C1orf21: variants seen among roughly 807,000 people sequenced by gnomAD.
The protein encoded by C1orf21 is chromosome 1 open reading frame 21.
Under a neutral mutation model 18.7 loss-of-function variants are expected in C1orf21, and 3 were observed. The observed-to-expected ratio is 0.16, with a 90% CI of 0.07 to 0.42. The LOEUF is 0.42. C1orf21 is among the 10% of genes least tolerant of loss of function. C1orf21 has a pLI of 0.99. For missense variants in C1orf21, 104 were observed against 143.6 expected (o/e 0.72, Z 1.41); for synonymous variants, 41 against 46.4 (o/e 0.88, Z 0.47).
intron 3 of C1orf21, among the ~76,000 whole-genome samples, chr1:184,508,959 G>T (rs995592663): frequency 1.3e-5 from 2 of 152,086 alleles, no homozygotes; most frequent in African/African-American, 4.8e-5. Flanking sequence ...CCTGAGTATT[G>T]AAATATCAGT....
intron 2 of C1orf21, 112 bp from the exon 3 acceptor site, chr1:184,507,476 A>G (rs1404506071): frequency 1.3e-5 from 11 of 827,450 alleles, no homozygotes; most frequent in Middle Eastern, 2.9e-4. Flanking sequence ...ACCACATATG[A>G]AGGCCACAGG....
At chr1:184,579,494 C>CTTTTT (rs60469440) in intron 3 of C1orf21, among the ~76,000 whole-genome samples, 1 of 98,120 alleles carries the variant, frequency 1.0e-5, no homozygotes, top group African/African-American at 3.9e-5. Context: ...TCAAGATTTT[C>CTTTTT]TTTTTTTTTT....
In C1orf21 at chr1:184,477,381, T is replaced by C. The variant is rs1657585975; in HGVS notation, c.-124-5T>C. 6.0e-6 allele frequency: 4 copies of C among 669,732 alleles called. No homozygotes were observed. Among genetic ancestry groups the C allele is most frequent in the Non-Finnish European group, 1.0e-5 (4 of 392,000 alleles). The allele number at this position is 669,732 out of a possible 1,614,324, so 41.5% of individuals were successfully genotyped here. ...CCATTCTAATCTAGCTTTCTTTTCT[T>C]GCAGGTGCACACATCTTGACCAACT... On this transcript the variant is annotated splice_region_variant and splice_polypyrimidine_tract_variant and intron_variant, in intron 1 of 5. Transcript: ENST00000235307.
intron 1 of C1orf21, among the ~76,000 whole-genome samples, chr1:184,462,726 T>C (rs1482973796): frequency 6.6e-6 from 1 of 152,030 alleles, no homozygotes; most frequent in Non-Finnish European, 1.5e-5. Context: ...TGTAAGAAAA[T>C]GTTATTACAA....
chr1:184,412,821 A>C (rs531637155), intron 1 of C1orf21, among the ~76,000 whole-genome samples: 1 of 152,198 alleles, frequency 6.6e-6, no homozygotes, highest in Non-Finnish European at 1.5e-5. Context: ...AACAAAAACA[A>C]AAAATTCAGT....
chr1:184,447,935 C>T (rs559167543), intron 1 of C1orf21, among the ~76,000 whole-genome samples: 2 of 152,274 alleles, frequency 1.3e-5, no homozygotes, highest in African/African-American at 2.4e-5. Flanking sequence ...TCCTGACCTC[C>T]GTCCTCAGAC....
intron 1 of C1orf21, among the ~76,000 whole-genome samples, chr1:184,443,487 A>G (rs749572449): frequency 3.3e-5 from 5 of 152,186 alleles, no homozygotes; most frequent in African/African-American, 4.8e-5. Context: ...TCTAGCATTC[A>G]TCAAGAACAT....
At chr1:184,422,908 G>A (rs1164738034) in intron 1 of C1orf21, among the ~76,000 whole-genome samples, 1 of 152,238 alleles carries the variant, frequency 6.6e-6, no homozygotes, top group East Asian at 1.9e-4. Flanking sequence ...GTCTGGCACA[G>A]ATTGACTTGC....
At chr1:184,476,496 A>G (rs1433212272) in intron 1 of C1orf21, among the ~76,000 whole-genome samples, 2 of 152,244 alleles carry the variant, frequency 1.3e-5, no homozygotes, top group Admixed American at 1.3e-4. Context: ...AGCATAAAAC[A>G]AAAATGAGCA....
At chr1:184,595,426 G>C (rs188536286) in intron 4 of C1orf21, among the ~76,000 whole-genome samples, 41 of 152,322 alleles carry the variant, frequency 2.7e-4, no homozygotes, top group Admixed American at 7.2e-4. Flanking sequence ...GTTTTCTACA[G>C]TGCAGTTTGT....
At chr1:184,548,249 ACACACACT>A (rs1179410098) in intron 3 of C1orf21, among the ~76,000 whole-genome samples, 6 of 134,004 alleles carry the variant, frequency 4.5e-5, no homozygotes, top group East Asian at 4.8e-4. Context: ...ACACACACAC[ACACACACT>A]CACACACTCA....
chr1:184,418,301 C>A (rs1656491558), intron 1 of C1orf21, among the ~76,000 whole-genome samples: 1 of 152,124 alleles, frequency 6.6e-6, no homozygotes, highest in Non-Finnish European at 1.5e-5. Flanking sequence ...CTCACTGCAG[C>A]CTTGCCTCCT....
At chr1:184,516,093 A>G (rs1015022801) in intron 3 of C1orf21, among the ~76,000 whole-genome samples, 6 of 152,182 alleles carry the variant, frequency 3.9e-5, no homozygotes, top group African/African-American at 1.2e-4. Context: ...GATTACAGAC[A>G]TGAGCCACCA....
chr1:184,515,200 G>C (rs1172065786), intron 3 of C1orf21, among the ~76,000 whole-genome samples: 1 of 152,208 alleles, frequency 6.6e-6, no homozygotes, highest in Non-Finnish European at 1.5e-5. Context: ...GAATGGATTA[G>C]AAGAATTGCA....
At chr1:184,513,029 A>C (rs935750453) in intron 3 of C1orf21, among the ~76,000 whole-genome samples, 1 of 152,210 alleles carries the variant, frequency 6.6e-6, no homozygotes, top group Admixed American at 6.5e-5. Context: ...CATGCTCCTT[A>C]TGAGATTCTT....
chr1:184,522,007 C>T (rs1408455004), intron 3 of C1orf21, among the ~76,000 whole-genome samples: 2 of 152,086 alleles, frequency 1.3e-5, no homozygotes, highest in Non-Finnish European at 2.9e-5. Context: ...TAAATGTATA[C>T]TGAACTGAAC....
chr1:184,479,613 C>CTTTT lies in C1orf21; in HGVS notation c.94+2033_94+2036dup, dbSNP rs55840285. Among the ~76,000 whole-genome samples the CTTTT allele has an allele frequency of 5.9e-4, 37 of 62,218 alleles. 2 individuals are homozygous for CTTTT. The highest frequency in any genetic ancestry group is 1.4e-3 in the South Asian group (2 of 1,434). 40.8% of individuals were successfully genotyped at this position (62,218 alleles called of 152,430 possible). A position where few individuals can be genotyped will look rare whatever the true frequency, so the allele number is the denominator to read the frequency against. On this transcript the variant is annotated intron_variant, in intron 2 of 5. Transcript: ENST00000235307. ...TGATGCCGTGCAGCCTCCCATAGGT[C>CTTTT]TTTTTTTTTTTTTTTTTTTTTTTTT...
At chr1:184,617,367 A>C (rs1659842319) in intron 5 of C1orf21, among the ~76,000 whole-genome samples, 1 of 152,168 alleles carries the variant, frequency 6.6e-6, no homozygotes, top group African/African-American at 2.4e-5. Flanking sequence ...TTTGTAAGTT[A>C]CCTCTCAGAG....
intron 5 of C1orf21, among the ~76,000 whole-genome samples, chr1:184,603,769 C>G (rs1340993099): frequency 1.3e-5 from 2 of 152,164 alleles, no homozygotes; most frequent in African/African-American, 4.8e-5. Context: ...GCCCTCCAGC[C>G]TGGGCGACAG....
Sources: gnomAD v4.1 joint callset for allele counts (sites outside exome capture counted in the v4.1 genomes callset) on GRCh38, gnomAD v4.1.1 for gene constraint, MANE v1.5 for transcripts, NCBI Gene and HGNC (gene_info 2026-07-23, HGNC 2026-07-21) for gene names.